BEAN1: variants seen among roughly 807,000 people sequenced by gnomAD.
BEAN1 encodes the protein brain expressed associated with NEDD4 1.
A neutral mutation model predicts 17.7 loss-of-function variants in BEAN1; 17 were observed. That is an observed-to-expected ratio of 0.96 (90% CI 0.66 to 1.44). The LOEUF is 1.44. BEAN1 is among the 40% of genes most tolerant of loss of function. The pLI is 0.00. For missense variants in BEAN1, 359 were observed against 374.1 expected (o/e 0.96, Z 0.33); for synonymous variants, 142 against 151.8 (o/e 0.94, Z 0.47).
chr16:66,470,219 G>GA (rs112205691), intron 3 of BEAN1, among the ~76,000 whole-genome samples: 3 of 151,836 alleles, frequency 2.0e-5, no homozygotes, highest in African/African-American at 4.8e-5. Context: ...TGGATGGATG[G>GA]TTGGGTGGAG....
intron 4 of BEAN1, among the ~76,000 whole-genome samples, chr16:66,479,746 C>T (rs888830947): frequency 6.6e-6 from 1 of 152,168 alleles, no homozygotes; most frequent in Non-Finnish European, 1.5e-5. Flanking sequence ...GGGAGTTATG[C>T]CCTCAGCTCC....
Position 66,427,801 on chromosome 16 carries a change from TGCCCTCGGTTTCGG to T in BEAN1, c.-83+372_-83+385del, listed in dbSNP as rs1961638359. On this transcript the variant is annotated intron_variant, in intron 1 of 4. Transcript: ENST00000536005. The surrounding 1 kb of genome is among the most constrained non-coding windows in gnomAD (Gnocchi z 4.7). Reference sequence around the variant, plus strand: ...ACCCAAGACAGCCTCCCCAGCAGCTTGCCCTCGGTTTCGGGGACCCCTGAACAACCCAACCAAGA... The same window carrying T: ...ACCCAAGACAGCCTCCCCAGCAGCTTGGACCCCTGAACAACCCAACCAAGA... 6.6e-6 allele frequency: 1 copy of T among 151,990 alleles called. No homozygotes were observed. The highest frequency in any genetic ancestry group is 1.5e-5 in the Non-Finnish European group (1 of 68,030). 9.4% of individuals were successfully genotyped at this position (151,990 alleles called of 1,614,324 possible).
Position 66,480,625 on chromosome 16 carries a change from T to G in BEAN1, c.480T>G (p.Tyr160Ter), listed in dbSNP as rs913669034. Reference sequence around the variant, plus strand: ...TGGGGCCAGGGGCCACTCAGCTGTATGTCCCCACGGACGCACCACCACCCT... The same window carrying G: ...TGGGGCCAGGGGCCACTCAGCTGTAGGTCCCCACGGACGCACCACCACCCT... ...ECVGPGATQL[Y>*]VPTDAPPPYS... Residue 160 changes from tyrosine (Y) to a stop codon, truncating the protein, a stop_gained, in exon 5 of 5, where the codon TAT (tyrosine) becomes TAG (stop). Transcript: ENST00000536005. LOFTEE classifies it low-confidence loss of function (END_TRUNC). 1.7e-5 allele frequency: 26 copies of G among 1,549,756 alleles called. No individual in the cohort carries two copies. Among genetic ancestry groups the G allele is most frequent in the Non-Finnish European group, 2.1e-5 (24 of 1,145,746 alleles).
At chr16:66,458,765 C>G (rs1454231315) in intron 2 of BEAN1, among the ~76,000 whole-genome samples, 1 of 152,206 alleles carries the variant, frequency 6.6e-6, no homozygotes, top group Non-Finnish European at 1.5e-5. Flanking sequence ...GGTATCCACA[C>G]AGAGAGGAAG....
intron 1 of BEAN1, among the ~76,000 whole-genome samples, chr16:66,429,346 C>G (rs1336107955): frequency 1.3e-5 from 2 of 152,150 alleles, no homozygotes; most frequent in Non-Finnish European, 2.9e-5. Flanking sequence ...AGCAGGGTGT[C>G]CCCAGGAAGG....
intron 2 of BEAN1, among the ~76,000 whole-genome samples, chr16:66,461,931 G>T (rs886429460): frequency 6.6e-6 from 1 of 152,182 alleles, no homozygotes; most frequent in Non-Finnish European, 1.5e-5. Flanking sequence ...GTAGCAGGGA[G>T]AACCGGGATC....
At chr16:66,468,593 G>C (rs1450763948) in intron 2 of BEAN1, among the ~76,000 whole-genome samples, 4 of 152,212 alleles carry the variant, frequency 2.6e-5, no homozygotes, top group Admixed American at 2.6e-4. Flanking sequence ...CTGCCGTGGA[G>C]TAACTGAGCA....
At chr16:66,495,260 T>C (rs1964229178), downstream of BEAN1, among the ~76,000 whole-genome samples, 1 of 152,092 alleles carries the variant, frequency 6.6e-6, no homozygotes, top group Non-Finnish European at 1.5e-5. Context: ...GCACGCTGGT[T>C]ATCACCCACT....
chr16:66,490,605 G>C (rs1176384417), intron 4 of BEAN1, among the ~76,000 whole-genome samples: 1 of 152,076 alleles, frequency 6.6e-6, no homozygotes, highest in East Asian at 1.9e-4. Flanking sequence ...GGTTGGTTGA[G>C]GGTCGCCACC....
chr16:66,481,054 A>ACGG lies in BEAN1; in HGVS notation c.*130_*131insGGC. The ACGG allele has an allele frequency of 1.0e-5, 7 of 699,394 alleles. No individual in the cohort carries two copies. Among genetic ancestry groups the ACGG allele is most frequent in the Non-Finnish European group, 1.3e-5 (6 of 453,900 alleles). 43.3% of individuals were successfully genotyped at this position (699,394 alleles called of 1,614,324 possible). ...ACACACACATAGACCAAACTTGTAT[A>ACGG]CACACAGACATCTACACTGACATAC... is the stretch of plus-strand genomic sequence containing the variant. On this transcript the variant is annotated 3_prime_UTR_variant, in exon 5 of 5. Coordinates refer to ENST00000536005, the MANE Select transcript of BEAN1 (RefSeq NM_001178020.3). This position sits in a 1 kb window ranked among gnomAD's most constrained non-coding sequence, Gnocchi z 4.1.
chr16:66,493,843 C>T (rs1267665455), downstream of BEAN1, among the ~76,000 whole-genome samples: 3 of 152,232 alleles, frequency 2.0e-5, no homozygotes, highest in African/African-American at 4.8e-5. Flanking sequence ...AGTGCTCCCT[C>T]ACCTTCTTGG....
At position 66,437,594 on chromosome 16, in the gene BEAN1, G is replaced by A. The variant is rs1424983602; in HGVS notation, c.-82-1G>A. On this transcript the variant is annotated splice_acceptor_variant, in intron 1 of 4. Coordinates refer to ENST00000536005, the MANE Select transcript of BEAN1 (RefSeq NM_001178020.3). LOFTEE classifies it low-confidence loss of function (5UTR_SPLICE). Reference sequence around the variant, plus strand: ...ACACCTGCCTGTTTGTGTCTCCGCAGGTGAGTGGAGGGGCCTTCCCTGCGA... The same window carrying A: ...ACACCTGCCTGTTTGTGTCTCCGCAAGTGAGTGGAGGGGCCTTCCCTGCGA... The A allele has an allele frequency of 7.6e-6, 11 of 1,455,936 alleles. No individual in the cohort carries two copies. The highest frequency in any genetic ancestry group is 1.0e-5 in the Non-Finnish European group (11 of 1,080,138). The allele number at this position is 1,455,936 out of a possible 1,614,324, so 90.2% of individuals were successfully genotyped here.
intron 4 of BEAN1, among the ~76,000 whole-genome samples, chr16:66,491,833 C>A (rs1181992277): frequency 6.6e-6 from 1 of 152,152 alleles, no homozygotes; most frequent in Non-Finnish European, 1.5e-5. Flanking sequence ...AGTGATAATG[C>A]TTGTTTGCCC....
At chr16:66,459,410 C>T (rs570978677) in intron 2 of BEAN1, among the ~76,000 whole-genome samples, 1 of 152,246 alleles carries the variant, frequency 6.6e-6, no homozygotes, top group African/African-American at 2.4e-5. Flanking sequence ...ACCTCTGCCT[C>T]CTGGGTTCAA....
At chr16:66,493,742 G>A (rs565558407), downstream of BEAN1, among the ~76,000 whole-genome samples, 15 of 152,328 alleles carry the variant, frequency 9.8e-5, no homozygotes, top group South Asian at 2.1e-3. Flanking sequence ...GCAGCCCTTA[G>A]ACCGGAAGCC....
chr16:66,462,658 G>T (rs540663911), intron 2 of BEAN1, among the ~76,000 whole-genome samples: 6 of 152,222 alleles, frequency 3.9e-5, no homozygotes, highest in African/African-American at 1.4e-4. Context: ...AAAATTAGCT[G>T]GGCATGGTGG....
chr16:66,461,792 T>G (rs765164219), intron 2 of BEAN1, among the ~76,000 whole-genome samples: 4 of 151,888 alleles, frequency 2.6e-5, no homozygotes, highest in Non-Finnish European at 4.4e-5. Flanking sequence ...TTCTACAGAG[T>G]GTGAACCCCT....
downstream of BEAN1, chr16:66,484,180 A>C: frequency 4.9e-6 from 1 of 205,430 alleles, no homozygotes; most frequent in Non-Finnish European, 1.0e-5. This position sits in a 1 kb window ranked among gnomAD's most constrained non-coding sequence, Gnocchi z 4.2. Context: ...TAAGCAAAAT[A>C]ATCATTTTGC....
intron 1 of BEAN1, among the ~76,000 whole-genome samples, chr16:66,433,613 T>G (rs181688774): frequency 1.1e-4 from 16 of 152,296 alleles, no homozygotes; most frequent in African/African-American, 3.4e-4. Flanking sequence ...CTAGGAACCC[T>G]CTTGGGGCAG....
Sources: gnomAD v4.1 joint callset for allele counts (sites outside exome capture counted in the v4.1 genomes callset) on GRCh38, gnomAD v4.1.1 for gene constraint, Gnocchi (gnomAD v3.1) non-coding constraint, MANE v1.5 for transcripts, NCBI Gene and HGNC (gene_info 2026-07-23, HGNC 2026-07-21) for gene names.